The following DLG2 variants were observed in gnomAD, a reference collection of about 807,000 sequenced individuals.
DLG2 encodes the protein disks large homolog 2.
A neutral mutation model predicts 132.5 loss-of-function variants in DLG2; 45 were observed. The ratio of observed to expected loss-of-function variants is 0.34; its 90% CI spans 0.27 to 0.44. The LOEUF (loss-of-function observed/expected upper bound fraction) is 0.44. DLG2 is among the 20% of genes least tolerant of loss of function. The probability of loss-of-function intolerance (pLI) is 1.00; values close to 1 mark genes in which losing one functional copy is unlikely to be tolerated. For synonymous variants in DLG2, 424 were observed against 419.6 expected, an observed-to-expected ratio of 1.01 and a Z score of -0.13; for missense variants, 1,045 against 1,196.9, an observed-to-expected ratio of 0.87 and a Z score of 1.87.
intron 21 of DLG2, among the ~76,000 whole-genome samples, chr11:83,526,270 C>A (rs2095607438): frequency 6.6e-6 from 1 of 152,162 alleles, no homozygotes. Flanking sequence ...ATTTTGCTTT[C>A]CTATTGCCAC....
At chr11:85,448,732 G>C (rs139412531) in intron 3 of DLG2, among the ~76,000 whole-genome samples, 67 of 152,236 alleles carry the variant, frequency 4.4e-4, no homozygotes, top group Non-Finnish European at 8.7e-4. Flanking sequence ...AGGGTTTGGG[G>C]ACCCAATATT....
intron 3 of DLG2, among the ~76,000 whole-genome samples, chr11:85,569,953 G>T (rs1462773919): frequency 9.2e-5 from 14 of 152,178 alleles, no homozygotes; most frequent in African/African-American, 3.4e-4. Context: ...AGCACAGATG[G>T]ACATAAACAA....
At chr11:84,520,340 G>A (rs1457931890) in intron 7 of DLG2, among the ~76,000 whole-genome samples, 3 of 152,234 alleles carry the variant, frequency 2.0e-5, no homozygotes, top group Admixed American at 6.5e-5. Flanking sequence ...GTTCCCATTT[G>A]ACATGGTTTT....
At chr11:84,247,418 G>C (rs1246530550) in intron 8 of DLG2, among the ~76,000 whole-genome samples, 1 of 152,144 alleles carries the variant, frequency 6.6e-6, no homozygotes, top group East Asian at 1.9e-4. Flanking sequence ...ACATGTAATG[G>C]GGAAGAATAA....
intron 18 of DLG2, chr11:83,651,767 T>A: frequency 2.1e-6 from 1 of 466,550 alleles, no homozygotes; most frequent in Non-Finnish European, 4.5e-6. Flanking sequence ...GAGCATCTAA[T>A]AGGGAGACAT....
intron 7 of DLG2, among the ~76,000 whole-genome samples, chr11:84,324,568 T>G (rs187322372): frequency 0.012 from 1,885 of 152,260 alleles, 18 homozygotes; most frequent in Middle Eastern, 0.02. Context: ...TAAATTTTCC[T>G]GTAACAAATA....
rs117057905 is a variant in DLG2, at chr11:84,822,893, C to T, written c.358-288162G>A. Among the ~76,000 whole-genome samples the T allele has an allele frequency of 7.5e-4, 114 of 151,992 alleles. 1 individual carries two copies. In the East Asian group the frequency reaches 0.012, roughly 16 times the overall value. ...TATTTATAAACTGTTTTGTACACTA[C>T]GTGTATAATTATCTCAATTCCCTTG... On this transcript the variant is annotated intron_variant, in intron 6 of 27. Transcript: ENST00000376104.
intron 3 of DLG2, among the ~76,000 whole-genome samples, chr11:85,289,290 G>A (rs1048282424): frequency 6.6e-6 from 1 of 151,930 alleles, no homozygotes; most frequent in African/African-American, 2.4e-5. Flanking sequence ...CTCACCACCA[G>A]CACCATCATT....
At chr11:84,952,173 G>C (rs929979692) in intron 6 of DLG2, among the ~76,000 whole-genome samples, 2 of 152,178 alleles carry the variant, frequency 1.3e-5, no homozygotes, top group East Asian at 3.9e-4. Context: ...ATATACAAAA[G>C]AAATCTAAGA....
intron 6 of DLG2, among the ~76,000 whole-genome samples, chr11:84,946,761 C>T (rs1369673019): frequency 1.3e-5 from 2 of 152,122 alleles, no homozygotes; most frequent in Non-Finnish European, 2.9e-5. Context: ...TTCACTGGCT[C>T]CAAGCTCAGC....
intron 18 of DLG2, among the ~76,000 whole-genome samples, chr11:83,771,996 A>G (rs550523103): frequency 1.5e-4 from 22 of 151,136 alleles, no homozygotes; most frequent in African/African-American, 5.1e-4. Flanking sequence ...ATTGTGTTCC[A>G]TTTTTTTTTC....
intron 3 of DLG2, among the ~76,000 whole-genome samples, chr11:85,542,619 T>A (rs1478802820): frequency 2.0e-5 from 3 of 152,120 alleles, no homozygotes; most frequent in Admixed American, 2.0e-4. Flanking sequence ...TGGCTCTGGG[T>A]TTTAAAGGAG....
intron 19 of DLG2, chr11:83,632,221 T>C (rs945566675): frequency 7.2e-5 from 11 of 152,168 alleles, no homozygotes; most frequent in African/African-American, 2.7e-4. Context: ...AACTTAACTT[T>C]AGAGCCAAAG....
intron 4 of DLG2, among the ~76,000 whole-genome samples, chr11:85,252,834 T>A (rs943187728): frequency 5.9e-5 from 9 of 152,136 alleles, no homozygotes; most frequent in African/African-American, 2.2e-4. Context: ...TTTAAAGGTA[T>A]AAGCAAGTAC....
At chr11:84,981,741 T>C (rs1162951720) in intron 6 of DLG2, among the ~76,000 whole-genome samples, 5 of 152,120 alleles carry the variant, frequency 3.3e-5, no homozygotes, top group African/African-American at 1.2e-4. Flanking sequence ...CTCACCCAGT[T>C]ACTGCCCTGC....
intron 6 of DLG2, among the ~76,000 whole-genome samples, chr11:84,563,887 C>T (rs1474346898): frequency 6.6e-6 from 1 of 152,084 alleles, no homozygotes; most frequent in East Asian, 1.9e-4. Flanking sequence ...AAAAGTGGCT[C>T]TCTTTTGTGC....
chr11:84,613,405 G>A (rs1475185238), intron 6 of DLG2, among the ~76,000 whole-genome samples: 1 of 151,984 alleles, frequency 6.6e-6, no homozygotes, highest in Non-Finnish European at 1.5e-5. Flanking sequence ...TCCCTTCAGA[G>A]GAGAGAATTG....
chr11:84,793,229 T>C (rs888450623), intron 6 of DLG2, among the ~76,000 whole-genome samples: 1 of 152,184 alleles, frequency 6.6e-6, no homozygotes, highest in African/African-American at 2.4e-5. Context: ...TCAAAATTCG[T>C]CCTTTGATTT....
intron 6 of DLG2, among the ~76,000 whole-genome samples, chr11:84,902,099 T>C (rs1356579658): frequency 1.3e-5 from 2 of 152,156 alleles, no homozygotes; most frequent in Non-Finnish European, 2.9e-5. Context: ...GAAAATCTCT[T>C]GGGCTTTCTT....
Sources: gnomAD v4.1 joint callset for allele counts (sites outside exome capture counted in the v4.1 genomes callset) on GRCh38, gnomAD v4.1.1 for gene constraint, MANE v1.5 for transcripts, NCBI Gene and HGNC (gene_info 2026-07-23, HGNC 2026-07-21) for gene names.